AUTS2: variants seen among roughly 807,000 people sequenced by gnomAD.
AUTS2 encodes activator of transcription and developmental regulator AUTS2.
Under a neutral mutation model 112.4 loss-of-function variants are expected in AUTS2, and 17 were observed. The ratio of observed to expected loss-of-function variants is 0.15; its 90% CI spans 0.10 to 0.23. The LOEUF (loss-of-function observed/expected upper bound fraction) is 0.23. AUTS2 is among the 10% of genes least tolerant of loss of function. AUTS2 has a pLI of 1.00. For missense variants in AUTS2, 1,510 were observed against 1,701.6 expected, an observed-to-expected ratio of 0.89 and a Z score of 1.98; for synonymous variants, 751 against 702.7, an observed-to-expected ratio of 1.07 and a Z score of -1.09.
intron 1 of AUTS2, among the ~76,000 whole-genome samples, chr7:69,654,316 T>C (rs552172608): frequency 3.0e-4 from 45 of 152,178 alleles, no homozygotes; most frequent in Non-Finnish European, 5.9e-4. Flanking sequence ...GAGAAGCTGC[T>C]CTCCTCGCCA....
In AUTS2 at chr7:70,656,926, AG is replaced by A. The variant is rs1227884111; in HGVS notation, c.691-41641del. On this transcript the variant is annotated intron_variant, in intron 5 of 18. Transcript: ENST00000342771. ...AGGTGTATGGGTTTATGCTGGGACT[AG>A]GTCATATCTGTATTTTAAAAATCCC... Among the ~76,000 whole-genome samples, 15 of 152,328 alleles carry A rather than the reference AG, an allele frequency of 9.8e-5. 1 individual carries two copies. In the East Asian group the frequency reaches 2.9e-3, roughly 29 times the overall value.
At chr7:70,164,370 G>C (rs564367269) in intron 4 of AUTS2, among the ~76,000 whole-genome samples, 41 of 152,098 alleles carry the variant, frequency 2.7e-4, no homozygotes, top group Non-Finnish European at 4.6e-4. Context: ...TTCTGTTGTA[G>C]TATCCTATCT....
intron 5 of AUTS2, among the ~76,000 whole-genome samples, chr7:70,549,206 T>G (rs1800918981): frequency 6.6e-6 from 1 of 152,230 alleles, no homozygotes; most frequent in Admixed American, 6.5e-5. Context: ...GATTTTCATA[T>G]TGGTCTTCTA....
chr7:70,726,857 G>A (rs1043194843), intron 6 of AUTS2, among the ~76,000 whole-genome samples: 5 of 152,110 alleles, frequency 3.3e-5, no homozygotes, highest in Admixed American at 2.6e-4. Flanking sequence ...GATAACACAC[G>A]GGATTATCTT....
At chr7:70,162,581 C>T (rs1339836182) in intron 4 of AUTS2, among the ~76,000 whole-genome samples, 2 of 148,386 alleles carry the variant, frequency 1.3e-5, no homozygotes, top group Non-Finnish European at 3.0e-5. Context: ...CTTTGAGAGT[C>T]TTCTTCCACT....
intron 5 of AUTS2, among the ~76,000 whole-genome samples, chr7:70,588,266 G>C (rs1222384344): frequency 6.6e-6 from 1 of 152,130 alleles, no homozygotes; most frequent in Non-Finnish European, 1.5e-5. Flanking sequence ...GCAGGACCTG[G>C]CCCATTAAAT....
intron 4 of AUTS2, among the ~76,000 whole-genome samples, chr7:70,218,095 C>G (rs926110240): frequency 1.3e-5 from 2 of 152,202 alleles, no homozygotes; most frequent in African/African-American, 4.8e-5. Flanking sequence ...ACTCCATGAT[C>G]TGGTGTCTGC....
chr7:70,711,536 G>C (rs1423566030), intron 6 of AUTS2, among the ~76,000 whole-genome samples: 2 of 152,174 alleles, frequency 1.3e-5, no homozygotes, highest in East Asian at 1.9e-4. Flanking sequence ...AACCCTGGGC[G>C]CCGAGCAGCT....
intron 4 of AUTS2, among the ~76,000 whole-genome samples, chr7:70,372,180 G>A (rs1792869137): frequency 6.6e-6 from 1 of 152,170 alleles, no homozygotes; most frequent in South Asian, 2.1e-4. Context: ...TGATATTCCA[G>A]AAAGAAGAGG....
In AUTS2 at chr7:69,600,043, C is replaced by T. The variant is rs1792294309; in HGVS notation, c.309+81C>T. On this transcript the variant is annotated intron_variant, in intron 1 of 18. Coordinates refer to ENST00000342771, the MANE Select transcript of AUTS2 (RefSeq NM_015570.4). Reference sequence around the variant, plus strand: ...CGCCCGGCTCTCCTGCCTCCCTCGCCGCGCTCCGGGCTGTCTGTCTGTCTG... The same window carrying T: ...CGCCCGGCTCTCCTGCCTCCCTCGCTGCGCTCCGGGCTGTCTGTCTGTCTG... 7.0e-6 allele frequency: 10 copies of T among 1,433,016 alleles called. No homozygotes were observed. The South Asian group carries it at 8.4e-5, about 12-fold the overall frequency. The allele number at this position is 1,433,016 out of a possible 1,614,324, so 88.8% of individuals were successfully genotyped here.
chr7:70,445,899 G>A (rs1309225818), intron 5 of AUTS2, among the ~76,000 whole-genome samples: 1 of 152,180 alleles, frequency 6.6e-6, no homozygotes, highest in Non-Finnish European at 1.5e-5. Context: ...AAGGAGAAGG[G>A]CCTTGCCTCT....
chr7:70,623,114 C>T (rs948803785), intron 5 of AUTS2, among the ~76,000 whole-genome samples: 2 of 152,202 alleles, frequency 1.3e-5, no homozygotes, highest in Non-Finnish European at 2.9e-5. Flanking sequence ...CTTCGGGAAG[C>T]ATTTGGTCCT....
chr7:70,531,119 G>A (rs1800066464), intron 5 of AUTS2, among the ~76,000 whole-genome samples: 1 of 152,222 alleles, frequency 6.6e-6, no homozygotes, highest in Non-Finnish European at 1.5e-5. Context: ...CTGGCTTAGA[G>A]TATTCCTTAT....
chr7:69,942,613 A>G (rs752049948), intron 2 of AUTS2, among the ~76,000 whole-genome samples: 36 of 152,208 alleles, frequency 2.4e-4, no homozygotes, highest in Non-Finnish European at 1.5e-4. Context: ...AGCATCTGCA[A>G]GAGTTTTGCT....
At chr7:70,106,197 T>G (rs1468531229) in intron 2 of AUTS2, among the ~76,000 whole-genome samples, 5 of 152,208 alleles carry the variant, frequency 3.3e-5, no homozygotes, top group African/African-American at 1.2e-4. Context: ...AAGTGAAGTT[T>G]GTTGTAAACC....
At chr7:69,837,501 C>T (rs1380243479) in intron 1 of AUTS2, among the ~76,000 whole-genome samples, 1 of 152,114 alleles carries the variant, frequency 6.6e-6, no homozygotes, top group African/African-American at 2.4e-5. Context: ...TCATTATCCC[C>T]CTAAGTGCCC....
At chr7:70,711,596 G>A (rs905445041) in intron 6 of AUTS2, among the ~76,000 whole-genome samples, 2 of 152,234 alleles carry the variant, frequency 1.3e-5, no homozygotes, top group African/African-American at 4.8e-5. Flanking sequence ...CAGTCACAGC[G>A]CTGCCTGGTT....
chr7:70,436,690 CATGCTTGCGGATTTTATTCAGA>C (rs1476574513), intron 5 of AUTS2: 1 of 152,254 alleles, frequency 6.6e-6, no homozygotes, highest in Non-Finnish European at 1.5e-5. Context: ...TCACCTCCTA[CATGCTTGCGGATTTTATTCAGA>C]ATGCTGCAGT....
chr7:69,964,328 G>C (rs562025500), intron 2 of AUTS2, among the ~76,000 whole-genome samples: 2 of 152,248 alleles, frequency 1.3e-5, no homozygotes, highest in South Asian at 2.1e-4. Flanking sequence ...AGCCTGGAAG[G>C]CACAGCCTTT....
Sources: gnomAD v4.1 joint callset for allele counts (sites outside exome capture counted in the v4.1 genomes callset) on GRCh38, gnomAD v4.1.1 for gene constraint, MANE v1.5 for transcripts, NCBI Gene and HGNC (gene_info 2026-07-23, HGNC 2026-07-21) for gene names.